OPCML: variants seen among roughly 807,000 people sequenced by gnomAD.
OPCML encodes opioid-binding protein/cell adhesion molecule.
OPCML carries 13 observed loss-of-function variants against 37.8 expected under a neutral mutation model. The ratio of observed to expected loss-of-function variants is 0.34; its 90% CI spans 0.22 to 0.55. The LOEUF is 0.55. Ranked by LOEUF, OPCML falls within the 20% of genes least tolerant of loss-of-function variation. The pLI, the probability that OPCML is intolerant of heterozygous loss-of-function variation, is 0.91. For missense variants in OPCML, 341 were observed against 435.6 expected, an observed-to-expected ratio of 0.78 and a Z score of 1.93; for synonymous variants, 176 against 168.8, an observed-to-expected ratio of 1.04 and a Z score of -0.33.
At chr11:132,457,888 C>T (rs1338447708) in intron 4 of OPCML, among the ~76,000 whole-genome samples, 1 of 152,220 alleles carries the variant, frequency 6.6e-6, no homozygotes, top group Non-Finnish European at 1.5e-5. Context: ...GTGCCAGGCA[C>T]AGGTCTATGC....
At chr11:133,443,518 T>C (rs965599480) in intron 1 of OPCML, among the ~76,000 whole-genome samples, 1 of 152,234 alleles carries the variant, frequency 6.6e-6, no homozygotes, top group African/African-American at 2.4e-5. Context: ...ATGCGCAGCA[T>C]TGCTCATTAA....
At chr11:132,452,137 C>T (rs2096069836) in intron 4 of OPCML, among the ~76,000 whole-genome samples, 1 of 152,192 alleles carries the variant, frequency 6.6e-6, no homozygotes, top group Non-Finnish European at 1.5e-5. Flanking sequence ...AAAAATGTGG[C>T]AGGCCCTGCA....
At chr11:132,573,101 T>G (rs2096442295) in intron 3 of OPCML, among the ~76,000 whole-genome samples, 1 of 151,988 alleles carries the variant, frequency 6.6e-6, no homozygotes, top group African/African-American at 2.4e-5. Flanking sequence ...TGATTTTCCA[T>G]CCTGCAACTT....
chr11:133,146,312 CTTTTTTT>C (rs869237328), intron 1 of OPCML, among the ~76,000 whole-genome samples: 3 of 128,718 alleles, frequency 2.3e-5, no homozygotes, highest in African/African-American at 8.5e-5. Context: ...TCCATCTTTT[CTTTTTTT>C]TTTTTTTTTT....
At chr11:132,808,783 G>A (rs1233796104) in intron 2 of OPCML, among the ~76,000 whole-genome samples, 4 of 152,146 alleles carry the variant, frequency 2.6e-5, no homozygotes, top group Admixed American at 1.3e-4. Flanking sequence ...CTCCTAAAAA[G>A]CAGTAACACA....
intron 1 of OPCML, among the ~76,000 whole-genome samples, chr11:133,120,501 A>G (rs1949403923): frequency 6.6e-6 from 1 of 152,198 alleles, no homozygotes; most frequent in Non-Finnish European, 1.5e-5. Context: ...ATCAACTGAT[A>G]GGATTCTCTC....
At chr11:132,453,043 A>AG (rs2096072671) in intron 4 of OPCML, among the ~76,000 whole-genome samples, 1 of 152,164 alleles carries the variant, frequency 6.6e-6, no homozygotes, top group South Asian at 2.1e-4. Flanking sequence ...AGTTGCTCAA[A>AG]GTTGAAGATG....
intron 1 of OPCML, among the ~76,000 whole-genome samples, chr11:133,141,022 G>A (rs1949806113): frequency 4.2e-5 from 1 of 23,832 alleles, no homozygotes; most frequent in African/African-American, 8.1e-5. Context: ...CGACGACGAC[G>A]ACGACGACGA....
chr11:133,224,094 A>G (rs1196966012), intron 1 of OPCML, among the ~76,000 whole-genome samples: 1 of 152,200 alleles, frequency 6.6e-6, no homozygotes, highest in Admixed American at 6.6e-5. Flanking sequence ...ATTTAAAATG[A>G]ACAGGAGAAG....
chr11:132,796,816 G>A (rs546161082), intron 2 of OPCML, among the ~76,000 whole-genome samples: 12 of 152,092 alleles, frequency 7.9e-5, no homozygotes, highest in African/African-American at 2.4e-4. Flanking sequence ...CTGACCTCGT[G>A]ATCTGCCGTG....
At chr11:132,910,280 CG>C (rs1490161733) in intron 2 of OPCML, among the ~76,000 whole-genome samples, 1 of 152,220 alleles carries the variant, frequency 6.6e-6, no homozygotes, top group Non-Finnish European at 1.5e-5. Flanking sequence ...AGCACATATT[CG>C]CCGGCCATTA....
At chr11:133,054,755 T>G (rs575320096) in intron 1 of OPCML, among the ~76,000 whole-genome samples, 1 of 152,350 alleles carries the variant, frequency 6.6e-6, no homozygotes, top group African/African-American at 2.4e-5. Context: ...TTGAGAAACA[T>G]ACTTCCAAGT....
Position 133,346,440 on chromosome 11 carries a change from C to T in OPCML, c.61+185824G>A, listed in dbSNP as rs573229223. On this transcript the variant is annotated intron_variant, in intron 1 of 7. Coordinates refer to ENST00000524381, the MANE Select transcript of OPCML (RefSeq NM_001012393.5). ...CAGAAGAGAGAACAGAGGCCAATAT[C>T]GAGAGATGTGAATGCTACTAGGGGA... Among the ~76,000 whole-genome samples, 11 of 152,264 alleles carry T rather than the reference C, an allele frequency of 7.2e-5. No homozygotes were observed. The South Asian group carries it at 2.1e-3, about 29-fold the overall frequency.
At chr11:133,109,669 T>C (rs1565452037) in intron 1 of OPCML, among the ~76,000 whole-genome samples, 1 of 152,196 alleles carries the variant, frequency 6.6e-6, no homozygotes, top group Non-Finnish European at 1.5e-5. Flanking sequence ...CCTTTCACCA[T>C]GACCCCAAAA....
At chr11:132,564,492 G>A (rs936056357) in intron 3 of OPCML, among the ~76,000 whole-genome samples, 1 of 152,152 alleles carries the variant, frequency 6.6e-6, no homozygotes, top group African/African-American at 2.4e-5. Flanking sequence ...ATGCAAGAAG[G>A]GCTCAGTAAA....
At chr11:132,449,910 C>G (rs1245672031) in intron 4 of OPCML, among the ~76,000 whole-genome samples, 4 of 152,214 alleles carry the variant, frequency 2.6e-5, no homozygotes, top group Non-Finnish European at 4.4e-5. Context: ...TCTGTGCACT[C>G]TCCCCCAATC....
chr11:133,000,127 G>C (rs1428602510), intron 1 of OPCML, among the ~76,000 whole-genome samples: 1 of 152,132 alleles, frequency 6.6e-6, no homozygotes, highest in Non-Finnish European at 1.5e-5. Context: ...CGTGATCTCG[G>C]CTCACTGCAA....
At chr11:132,901,152 C>T (rs1944047231) in intron 2 of OPCML, among the ~76,000 whole-genome samples, 1 of 151,950 alleles carries the variant, frequency 6.6e-6, no homozygotes, top group Admixed American at 6.6e-5. Context: ...TGCACTCCAG[C>T]CTGGGTGACA....
intron 1 of OPCML, among the ~76,000 whole-genome samples, chr11:133,500,525 C>A (rs952805416): frequency 6.6e-6 from 1 of 152,242 alleles, no homozygotes; most frequent in African/African-American, 2.4e-5. Context: ...GTGTCATGCC[C>A]TGGGCTGAGA....
Sources: allele counts gnomAD v4.1 joint callset (sites outside exome capture counted in the v4.1 genomes callset), GRCh38; gene constraint gnomAD v4.1.1; transcripts MANE v1.5; gene names NCBI Gene and HGNC (gene_info 2026-07-23, HGNC 2026-07-21).